STRN4: variants seen among roughly 807,000 people sequenced by gnomAD.
STRN4 encodes the protein striatin 4, also known as striatin-4.
Under a neutral mutation model 77.9 loss-of-function variants are expected in STRN4, and 27 were observed. The observed-to-expected ratio is 0.35, with a 90% CI of 0.26 to 0.48. The LOEUF (loss-of-function observed/expected upper bound fraction) is 0.48, where lower values mean the gene tolerates loss of function less well. Ranked by LOEUF, STRN4 falls within the 20% of genes least tolerant of loss-of-function variation. The pLI is 0.99. For missense variants in STRN4, 798 were observed against 1,049.7 expected (o/e 0.76, Z 3.31); for synonymous variants, 466 against 443.1 (o/e 1.05, Z -0.65).
intron 9 of STRN4, chr19:46,725,931 T>A: frequency 2.2e-6 from 1 of 453,030 alleles, no homozygotes; most frequent in Non-Finnish European, 4.0e-6. Flanking sequence ...GGGACACAAC[T>A]GGACCATCCC....
In STRN4 at chr19:46,746,328, A is replaced by G. The variant is rs1427783096; in HGVS notation, c.103T>C (p.Ser35Pro). 47 of 1,305,522 alleles carry G rather than the reference A, an allele frequency of 3.6e-5. No individual in the cohort carries two copies. In the East Asian group the frequency reaches 1.5e-3, roughly 43 times the overall value. The allele number at this position is 1,305,522 out of a possible 1,614,324, so 80.9% of individuals were successfully genotyped here. The change falls in exon 1 of 18, where the codon TCC becomes CCC. Residue 35 changes from serine to proline, a missense_variant. By Grantham distance (74) the Ser-to-Pro change is moderately conservative. Transcript: ENST00000263280. The stretch of plus-strand genomic sequence containing the variant: ...GGGCCCGGCCCGGGGGCAGGGGCGG[A>G]GACCGGGGCCGCCCCAGTGGGGCCA... ...GPGPTGAAPV[S>P]APAPGPGPAG... is the part of the protein sequence containing the mutation.
chr19:46,743,941 A>G (rs2054521297), intron 1 of STRN4, among the ~76,000 whole-genome samples: 1 of 151,920 alleles, frequency 6.6e-6, no homozygotes, highest in Non-Finnish European at 1.5e-5. Flanking sequence ...AAATAAATAA[A>G]TAAACAAAAG....
Position 46,722,791 on chromosome 19 carries a change from C to T in STRN4, c.1906+19G>A. The T allele has an allele frequency of 6.2e-7, 1 of 1,612,952 alleles. No individual in the cohort carries two copies. The highest frequency in any genetic ancestry group is 8.5e-7 in the Non-Finnish European group (1 of 1,179,412). On this transcript the variant is annotated intron_variant, in intron 14 of 17. Transcript: ENST00000263280. ...AAGACACTGAGACCAATTCCATGAG[C>T]TGATGTCAGCCCCCTTACCGCTGCT...
Position 46,746,344 on chromosome 19 carries a change from A to G in STRN4, c.87T>C (p.Thr29=). ...PLGSGAGPGP[T]GAAPVSAPAP... The stretch of plus-strand genomic sequence containing the variant: ...CAGGGGCGGAGACCGGGGCCGCCCC[A>G]GTGGGGCCAGGGCCCGCGCCTGAGC... Residue 29 remains threonine (T), a synonymous_variant, in exon 1 of 18, where the codon ACT becomes ACC. Transcript: ENST00000263280. 8.0e-7 allele frequency: 1 copy of G among 1,253,864 alleles called. No individual in the cohort carries two copies. Among genetic ancestry groups the G allele is most frequent in the Non-Finnish European group, 1.0e-6 (1 of 1,004,094 alleles). The allele number at this position is 1,253,864 out of a possible 1,614,324, so 77.7% of individuals were successfully genotyped here.
intron 11 of STRN4, 102 bp from the exon 12 acceptor site, chr19:46,725,030 A>G: frequency 6.5e-7 from 1 of 1,539,506 alleles, no homozygotes; most frequent in Non-Finnish European, 8.8e-7. Flanking sequence ...GGATGGCCAA[A>G]AGGAATTCAG....
In STRN4 at chr19:46,738,836, G is replaced by C. The variant is rs201203782; in HGVS notation, c.335C>G (p.Thr112Arg). Residue 112 changes from threonine (T) to arginine (R), a missense_variant, in exon 2 of 18, where the codon ACG becomes AGG. By Grantham distance (71) the Thr-to-Arg change is moderately conservative. Coordinates refer to ENST00000263280, the MANE Select transcript of STRN4 (RefSeq NM_013403.3). This position sits in a 1 kb window ranked among gnomAD's most constrained non-coding sequence, Gnocchi z 4.5. ...CATCTTGATCCGCCGCACCAGGTCC[G>C]TCTTTAGATTCTCCTGCCCTTTCCT... ...GERKGQENLKTDLVRRIKMLE... is the reference protein window; with the variant it reads ...GERKGQENLKRDLVRRIKMLE... 2 of 1,614,058 alleles carry C rather than the reference G, an allele frequency of 1.2e-6. No homozygotes were observed. Among genetic ancestry groups the C allele is most frequent in the Non-Finnish European group, 1.7e-6 (2 of 1,180,048 alleles).
chr19:46,728,792 A>C lies in STRN4; in HGVS notation c.880-15T>G. ...TTGGATGGGAGCTGGCACATGGAGA[A>C]AGCCAGACAAGTCAGGGGGCCTCTT... is the stretch of plus-strand genomic sequence containing the variant. On this transcript the variant is annotated splice_polypyrimidine_tract_variant and intron_variant, in intron 6 of 17. Coordinates refer to ENST00000263280, the MANE Select transcript of STRN4 (RefSeq NM_013403.3). 6.2e-7 allele frequency: 1 copy of C among 1,613,550 alleles called. No individual in the cohort carries two copies. Among genetic ancestry groups the C allele is most frequent in the East Asian group, 2.2e-5 (1 of 44,868 alleles).
chr19:46,743,014 T>C (rs2054501086), intron 1 of STRN4, among the ~76,000 whole-genome samples: 1 of 152,168 alleles, frequency 6.6e-6, no homozygotes, highest in South Asian at 2.1e-4. Flanking sequence ...TCAAACTCAA[T>C]CAGCTATGGT....
Position 46,720,785 on chromosome 19 carries a change from G to A in STRN4, c.2093-14C>T, listed in dbSNP as rs780510115. 52 of 1,537,734 alleles carry A rather than the reference G, an allele frequency of 3.4e-5. No homozygotes were observed. Among genetic ancestry groups the A allele is most frequent in the South Asian group, 1.5e-4 (12 of 80,340 alleles). On this transcript the variant is annotated splice_polypyrimidine_tract_variant and intron_variant, in intron 16 of 17. Transcript: ENST00000263280. ...AGCAGTCATGGCCTGCACATGTGTCGGGGACAGAAGGGGTGGTCACTGGGC... is the reference window on the plus strand; with the variant it reads ...AGCAGTCATGGCCTGCACATGTGTCAGGGACAGAAGGGGTGGTCACTGGGC...
In STRN4 at chr19:46,738,146, G is replaced by A; in HGVS notation, c.460+18C>T. On this transcript the variant is annotated intron_variant, in intron 3 of 17. Transcript: ENST00000263280. The surrounding 1 kb of genome is among the most constrained non-coding windows in gnomAD (Gnocchi z 4.5). ...CTGCGGGAGGGTGCCGACAGTGCGA[G>A]CATCAGAGGGTGGGTACCTTGTTCT... The A allele has an allele frequency of 6.2e-7, 1 of 1,613,194 alleles. No individual in the cohort carries two copies. Among genetic ancestry groups the A allele is most frequent in the Non-Finnish European group, 8.5e-7 (1 of 1,179,092 alleles).
chr19:46,745,511 G>GC (rs1174241061), intron 1 of STRN4, among the ~76,000 whole-genome samples: 1 of 151,342 alleles, frequency 6.6e-6, no homozygotes, highest in Non-Finnish European at 1.5e-5. Context: ...CCGTCCAGTC[G>GC]CCCCGAAACA....
rs566882151 is a variant in STRN4 at position 46,746,157 on chromosome 19, C to T, written c.274G>A (p.Glu92Lys). ...EKARWEAERA[E>K]LQAQVAFLQG... is the part of the protein sequence containing the mutation. Reference sequence around the variant, plus strand: ...CCCGGGACAGCGCTCACCTGTAACTCGGCGCGCTCGGCCTCCCAGCGGGCT... The same window carrying T: ...CCCGGGACAGCGCTCACCTGTAACTTGGCGCGCTCGGCCTCCCAGCGGGCT... Residue 92 changes from glutamate (E) to lysine (K), a missense_variant, in exon 1 of 18, where the codon GAG (glutamate) becomes AAG (lysine). Physicochemically the swap from Glu to Lys is moderately conservative, Grantham distance 56. Transcript: ENST00000263280. The T allele has an allele frequency of 2.0e-6, 3 of 1,524,564 alleles. No individual in the cohort carries two copies. Among genetic ancestry groups the T allele is most frequent in the Non-Finnish European group, 2.6e-6 (3 of 1,143,034 alleles). 94.4% of individuals were successfully genotyped at this position (1,524,564 alleles called of 1,614,324 possible).
At chr19:46,729,049 G>A (rs2054189715) in intron 6 of STRN4, among the ~76,000 whole-genome samples, 2 of 152,244 alleles carry the variant, frequency 1.3e-5, no homozygotes, top group South Asian at 4.1e-4. Context: ...CTCGGATGAA[G>A]AAAAGTCAGA....
Position 46,738,691 on chromosome 19 carries a change from C to T in STRN4, c.386+94G>A. 8.5e-7 allele frequency: 1 copy of T among 1,171,324 alleles called. No homozygotes were observed. Among genetic ancestry groups the T allele is most frequent in the East Asian group, 2.3e-5 (1 of 42,686 alleles). 72.6% of individuals were successfully genotyped at this position (1,171,324 alleles called of 1,614,324 possible). On this transcript the variant is annotated intron_variant, in intron 2 of 17. Coordinates refer to ENST00000263280, the MANE Select transcript of STRN4 (RefSeq NM_013403.3). This position sits in a 1 kb window ranked among gnomAD's most constrained non-coding sequence, Gnocchi z 4.5. ...ATGGAAAAGAATGTCGACCCCAAATCTCCCTTAGCTGGAAGGAGGCGTGGC... is the reference window on the plus strand; with the variant it reads ...ATGGAAAAGAATGTCGACCCCAAATTTCCCTTAGCTGGAAGGAGGCGTGGC...
chr19:46,739,253 C>T (rs1046072409), intron 1 of STRN4: 4 of 300,020 alleles, frequency 1.3e-5, no homozygotes, highest in African/African-American at 8.6e-5. Context: ...CCCTGACGCC[C>T]TCTGGCAGGT....
intron 9 of STRN4, among the ~76,000 whole-genome samples, 178 bp downstream of exon 9, chr19:46,727,274 A>G (rs568625421): frequency 5.9e-5 from 9 of 152,342 alleles, no homozygotes; most frequent in Non-Finnish European, 1.0e-4. Flanking sequence ...CACAGGCTCC[A>G]GAGTCTTCCA....
chr19:46,728,161 GT>G (rs1339251373), intron 7 of STRN4, 154 bp from the exon 8 acceptor site: 1 of 773,894 alleles, frequency 1.3e-6, no homozygotes, highest in East Asian at 2.7e-5. Flanking sequence ...AGGAGAGGAG[GT>G]TGATTGGGCC....
rs764288685 is a variant in STRN4 at position 46,725,481 on chromosome 19, C to T, written c.1416G>A (p.Thr472=). Reference sequence around the variant, plus strand: ...GAGCTTGCTGCCCTCACTTCTTGGCCGTGACCGCCTTCTGCAGGTTCCAGA... The same window carrying T: ...GAGCTTGCTGCCCTCACTTCTTGGCTGTGACCGCCTTCTGCAGGTTCCAGA... The part of the protein sequence containing the change: ...LKLWNLQKAV[T]AKKNAALDVE... The change falls in exon 10 of 18, where the codon ACG becomes ACA. Residue 472 remains threonine, a synonymous_variant. Coordinates refer to ENST00000263280, the MANE Select transcript of STRN4 (RefSeq NM_013403.3). The T allele has an allele frequency of 4.3e-6, 7 of 1,613,966 alleles. No homozygotes were observed. The highest frequency in any genetic ancestry group is 2.7e-5 in the African/African-American group (2 of 75,044).
rs1236826186 is a variant in STRN4 at position 46,723,468 on chromosome 19, C to A, written c.1595-184G>T. Among the ~76,000 whole-genome samples the A allele has an allele frequency of 1.3e-5, 2 of 152,190 alleles. No individual in the cohort carries two copies. The highest frequency in any genetic ancestry group is 2.9e-5 in the Non-Finnish European group (2 of 68,022). Reference sequence around the variant, plus strand: ...ACAGCCCGGCAGCTGCTCACACTGCCCACTAGCTCTCCAAGGAAGGTTCTA... The same window carrying A: ...ACAGCCCGGCAGCTGCTCACACTGCACACTAGCTCTCCAAGGAAGGTTCTA... On this transcript the variant is annotated intron_variant, in intron 12 of 17. Coordinates refer to ENST00000263280, the MANE Select transcript of STRN4 (RefSeq NM_013403.3). The surrounding 1 kb of genome is among the most constrained non-coding windows in gnomAD (Gnocchi z 5.5).
Sources: gnomAD v4.1 joint callset for allele counts (sites outside exome capture counted in the v4.1 genomes callset) on GRCh38, gnomAD v4.1.1 for gene constraint, Gnocchi (gnomAD v3.1) non-coding constraint, MANE v1.5 for transcripts, NCBI Gene and HGNC (gene_info 2026-07-23, HGNC 2026-07-21) for gene names.